Variants in SRPX2 observed in about 807,000 individuals in gnomAD.
The protein encoded by SRPX2 is sushi repeat-containing protein SRPX2.
In SRPX2, 26 loss-of-function variants were observed where a neutral mutation model predicts 45.3. The observed-to-expected ratio is 0.57, with a 90% CI of 0.42 to 0.80. SRPX2 has a LOEUF of 0.80. Ranked by LOEUF, SRPX2 falls within the 30% of genes least tolerant of loss-of-function variation. The pLI is 0.00. For synonymous variants in SRPX2, 125 were observed against 143.7 expected (o/e 0.87, Z 0.93); for missense variants, 355 against 399.8 (o/e 0.89, Z 0.95).
At chrX:100,646,099 C>G (rs2083134648) in intron 1 of SRPX2, 94 bp from the exon 2 acceptor site, 1 of 418,137 alleles carries the variant, frequency 2.4e-6, no homozygotes, top group Admixed American at 4.0e-5. Context: ...AAATAACAAA[C>G]AGAGTCTTGT....
chrX:100,664,123 C>T (rs1382894164), intron 4 of SRPX2, among the ~76,000 whole-genome samples: 5 of 111,115 alleles, frequency 4.5e-5, no homozygotes, highest in Non-Finnish European at 9.4e-5. Flanking sequence ...CCACATTTCA[C>T]TGAAGAAAAC....
chrX:100,670,548 CT>C (rs1318009142), intron 10 of SRPX2, among the ~76,000 whole-genome samples: 1 of 111,750 alleles, frequency 8.9e-6, no homozygotes, highest in African/African-American at 3.3e-5. Flanking sequence ...AAAGCACCGC[CT>C]GTTAATAACA....
chrX:100,665,212 C>A (rs755581646), intron 5 of SRPX2, 31 bp from the exon 6 acceptor site: 8 of 1,206,181 alleles, frequency 6.6e-6, no homozygotes, highest in Non-Finnish European at 9.0e-6. Flanking sequence ...AAGGGGCCCA[C>A]GAGTCAGCAC....
intron 3 of SRPX2, among the ~76,000 whole-genome samples, chrX:100,657,958 G>C: frequency 8.9e-6 from 1 of 112,624 alleles, no homozygotes; most frequent in Middle Eastern, 4.6e-3. Context: ...GGAATTATTT[G>C]TTTTTCTACT....
chrX:100,665,666 G>T lies in SRPX2; in HGVS notation c.781+9G>T. On this transcript the variant is annotated intron_variant, in intron 7 of 10. Transcript: ENST00000373004. ...CATTGTGAAAGTACAAGGTCAGAAA[G>T]AATTATTTAGTTTCCATATTGTTCA... 1 of 1,211,531 alleles carries T rather than the reference G, an allele frequency of 8.3e-7. No homozygotes were observed. Among genetic ancestry groups the T allele is most frequent in the Non-Finnish European group, 1.1e-6 (1 of 895,456 alleles).
At chrX:100,653,961 G>GTGTATTTAAC (rs769767373) in intron 3 of SRPX2, among the ~76,000 whole-genome samples, 262 of 112,213 alleles carry the variant, frequency 2.3e-3, no homozygotes, top group African/African-American at 8.1e-3. Flanking sequence ...AACTGTATTT[G>GTGTATTTAAC]TGTATTTAAC....
chrX:100,656,195 T>G (rs1457443172), intron 3 of SRPX2, among the ~76,000 whole-genome samples: 1 of 111,066 alleles, frequency 9.0e-6, no homozygotes, highest in East Asian at 2.8e-4. Context: ...CTTTTTTCTT[T>G]TATTGGTACA....
At chrX:100,666,628 T>A (rs1468206412) in intron 7 of SRPX2, 126 bp from the exon 8 acceptor site, 1 of 866,383 alleles carries the variant, frequency 1.2e-6, no homozygotes, top group East Asian at 3.3e-5. Flanking sequence ...CCAGTGGAAA[T>A]ACAGAAAAGC....
intron 3 of SRPX2, among the ~76,000 whole-genome samples, chrX:100,652,090 GA>G (rs2083155506): frequency 2.7e-5 from 3 of 112,141 alleles, no homozygotes; most frequent in Non-Finnish European, 5.6e-5. Flanking sequence ...TGTCATTTTA[GA>G]ACATTAACCT....
At chrX:100,661,762 C>T (rs923095222) in intron 3 of SRPX2, among the ~76,000 whole-genome samples, 7 of 111,226 alleles carry the variant, frequency 6.3e-5, no homozygotes, top group Non-Finnish European at 1.3e-4. Context: ...AGTGAGACTC[C>T]GTCTCAAAAA....
At chrX:100,646,511 C>A in intron 2 of SRPX2, 107 bp downstream of exon 2, 1 of 762,538 alleles carries the variant, frequency 1.3e-6, no homozygotes, top group Non-Finnish European at 2.0e-6. Flanking sequence ...ATTTTCTATA[C>A]AGAGAAGTAT....
intron 9 of SRPX2, among the ~76,000 whole-genome samples, chrX:100,668,602 C>A (rs2083212659): frequency 8.9e-6 from 1 of 111,828 alleles, no homozygotes; most frequent in Non-Finnish European, 1.9e-5. Context: ...AGCAGGTGAT[C>A]CTGCAAGACA....
rs767931768 is a variant in SRPX2 at position 100,650,775 on chromosome X, C to T, written c.83-10C>T. 6 of 1,204,774 alleles carry T rather than the reference C, an allele frequency of 5.0e-6. No homozygotes were observed. The highest frequency in any genetic ancestry group is 6.7e-6 in the Non-Finnish European group (6 of 889,352). On this transcript the variant is annotated splice_polypyrimidine_tract_variant and intron_variant, in intron 2 of 10. Coordinates refer to ENST00000373004, the MANE Select transcript of SRPX2 (RefSeq NM_014467.3). ...AAGACACCATTTTGATATTGTCTTC[C>T]TTATTCTAGGTTCTGGCTACTATCC...
chrX:100,655,729 T>G (rs2083166417), intron 3 of SRPX2, among the ~76,000 whole-genome samples: 1 of 110,556 alleles, frequency 9.0e-6, no homozygotes, highest in Non-Finnish European at 1.9e-5. Flanking sequence ...AGATGATATA[T>G]GTGAAAAGGA....
chrX:100,669,315 A>G lies in SRPX2; in HGVS notation c.1163A>G (p.Glu388Gly), dbSNP rs774070493. Residue 388 changes from glutamate to glycine, a missense_variant, in exon 10 of 11, where the codon GAG becomes GGG. By Grantham distance (98) the Glu-to-Gly change is moderately conservative. Coordinates refer to ENST00000373004, the MANE Select transcript of SRPX2 (RefSeq NM_014467.3). ...IIELVGQPPQ[E>G]VGRIREQQLS... ...GAACTGGTGGGACAGCCACCTCAGG[A>G]GGTGGGGCGCATCCGGGAGCAACAG... 1.3e-5 allele frequency: 14 copies of G among 1,113,778 alleles called. No homozygotes were observed. In the African/African-American group the frequency reaches 2.4e-4, roughly 19 times the overall value. The allele number at this position is 1,113,778 out of a possible 1,213,427, so 91.8% of individuals were successfully genotyped here.
At chrX:100,662,117 C>G (rs1467256392) in intron 3 of SRPX2, 59 bp from the exon 4 acceptor site, 12 of 1,152,612 alleles carry the variant, frequency 1.0e-5, no homozygotes, top group Non-Finnish European at 1.2e-6. Context: ...TGTCTTTTCA[C>G]CAACACCACA....
intron 3 of SRPX2, among the ~76,000 whole-genome samples, chrX:100,661,849 C>A (rs1352732659): frequency 9.1e-6 from 1 of 110,127 alleles, no homozygotes; most frequent in Non-Finnish European, 1.9e-5. Context: ...CCCTAAATCC[C>A]AGTGACCTTC....
chrX:100,644,957 G>A (rs1230946611), intron 1 of SRPX2, among the ~76,000 whole-genome samples: 1 of 111,078 alleles, frequency 9.0e-6, no homozygotes, highest in Non-Finnish European at 1.9e-5. Flanking sequence ...CTCTTTCTGC[G>A]TTTATCTATC....
intron 3 of SRPX2, among the ~76,000 whole-genome samples, chrX:100,661,909 G>A (rs1364433142): frequency 9.8e-6 from 1 of 102,039 alleles, no homozygotes; most frequent in Admixed American, 1.0e-4. Flanking sequence ...TTTGTATAAG[G>A]TGTGAGACTT....
Sources: allele counts gnomAD v4.1 joint callset (sites outside exome capture counted in the v4.1 genomes callset), GRCh38; gene constraint gnomAD v4.1.1; transcripts MANE v1.5; gene names NCBI Gene and HGNC (gene_info 2026-07-23, HGNC 2026-07-21).